Variants in CHCHD3 observed in about 807,000 individuals in gnomAD.
CHCHD3 encodes MICOS complex subunit MIC19.
In CHCHD3, 20 loss-of-function variants were observed where a neutral mutation model predicts 38.2. The observed-to-expected ratio is 0.52, with a 90% CI of 0.37 to 0.76. CHCHD3 has a LOEUF of 0.76. CHCHD3 is among the 30% of genes least tolerant of loss of function. The pLI is 0.00. For synonymous variants in CHCHD3, 82 were observed against 100.0 expected, an observed-to-expected ratio of 0.82 and a Z score of 1.07; for missense variants, 245 against 279.2, an observed-to-expected ratio of 0.88 and a Z score of 0.87.
At position 133,034,508 on chromosome 7, in the gene CHCHD3, C is replaced by CTTTTTT. The variant is rs146912120; in HGVS notation, c.170-9887_170-9882dup. The CTTTTTT allele has an allele frequency of 3.4e-4, 97 of 285,178 alleles. 7 individuals are homozygous for CTTTTTT. The highest frequency in any genetic ancestry group is 5.2e-4 in the Admixed American group (7 of 13,398). 17.7% of individuals were successfully genotyped at this position (285,178 alleles called of 1,614,324 possible). A position where few individuals can be genotyped will look rare whatever the true frequency, so the allele number is the denominator to read the frequency against. Reference sequence around the variant, plus strand: ...AGTCCTTTCAGCAATTGGATCCAGTCTTTTTTTTTTTTTTTTTTTTTTCAA... The same window carrying CTTTTTT: ...AGTCCTTTCAGCAATTGGATCCAGTCTTTTTTTTTTTTTTTTTTTTTTTTTTTTCAA... On this transcript the variant is annotated intron_variant, in intron 2 of 7. Transcript: ENST00000262570.
chr7:132,975,687 T>G (rs1811746202), intron 3 of CHCHD3, among the ~76,000 whole-genome samples: 1 of 152,076 alleles, frequency 6.6e-6, no homozygotes, highest in Admixed American at 6.5e-5. Flanking sequence ...TCCCAGCACT[T>G]TGGGAGACCA....
chr7:132,793,603 TC>T (rs1186751210), intron 7 of CHCHD3, among the ~76,000 whole-genome samples: 1 of 152,108 alleles, frequency 6.6e-6, no homozygotes, highest in Non-Finnish European at 1.5e-5. Context: ...CTAAGGAATA[TC>T]CGGAAATTTT....
At chr7:132,836,713 G>A (rs1003936014) in intron 6 of CHCHD3, among the ~76,000 whole-genome samples, 5 of 152,098 alleles carry the variant, frequency 3.3e-5, no homozygotes, top group African/African-American at 9.6e-5. Context: ...GGCCTCAAGC[G>A]ATCCTCCTGC....
intron 3 of CHCHD3, among the ~76,000 whole-genome samples, chr7:133,014,734 CATTA>C (rs1812980914): frequency 6.6e-6 from 1 of 151,826 alleles, no homozygotes; most frequent in Admixed American, 6.6e-5. Context: ...CCTCTGCAAT[CATTA>C]ATTAAAGTAA....
At chr7:132,972,603 C>T (rs1811641458) in intron 4 of CHCHD3, 1 of 985,204 alleles carries the variant, frequency 1.0e-6, no homozygotes, top group South Asian at 4.7e-5. Flanking sequence ...TTGGGAACTG[C>T]CCAATAACTA....
At chr7:132,910,226 C>T (rs1779356966) in intron 4 of CHCHD3, among the ~76,000 whole-genome samples, 1 of 152,138 alleles carries the variant, frequency 6.6e-6, no homozygotes, top group Admixed American at 6.5e-5. Context: ...TGTATTTGTA[C>T]CGGTAAAACT....
intron 5 of CHCHD3, among the ~76,000 whole-genome samples, chr7:132,842,426 A>G (rs528834909): frequency 1.6e-4 from 25 of 152,212 alleles, no homozygotes; most frequent in Non-Finnish European, 3.4e-4. Flanking sequence ...TTAGATAATT[A>G]TAATACAATT....
chr7:132,814,055 T>A (rs188951559), intron 6 of CHCHD3, among the ~76,000 whole-genome samples: 2 of 152,194 alleles, frequency 1.3e-5, no homozygotes, highest in South Asian at 4.1e-4. Context: ...CTCAACAGAA[T>A]TGATGGCAAA....
intron 4 of CHCHD3, among the ~76,000 whole-genome samples, chr7:132,924,779 T>C (rs1810337390): frequency 1.3e-5 from 2 of 152,202 alleles, no homozygotes; most frequent in South Asian, 4.1e-4. Flanking sequence ...TCAAAATGTA[T>C]GAAACACCAA....
chr7:133,009,008 C>T (rs966040696), intron 3 of CHCHD3, among the ~76,000 whole-genome samples: 1 of 150,098 alleles, frequency 6.7e-6, no homozygotes, highest in African/African-American at 2.4e-5. Flanking sequence ...AACCAGAACA[C>T]AAAGGTAGTC....
At chr7:132,787,989 C>G (rs564976346) in intron 7 of CHCHD3, among the ~76,000 whole-genome samples, 3 of 152,260 alleles carry the variant, frequency 2.0e-5, no homozygotes, top group East Asian at 3.9e-4. Flanking sequence ...ATGTGAGGCA[C>G]CAGCCCCATG....
intron 4 of CHCHD3, among the ~76,000 whole-genome samples, chr7:132,931,532 A>T (rs751581697): frequency 3.3e-5 from 5 of 152,208 alleles, no homozygotes; most frequent in Non-Finnish European, 5.9e-5. Context: ...TAAAGCGCTA[A>T]TCAAAGTATT....
At chr7:132,821,936 G>T (rs543099299) in intron 6 of CHCHD3, among the ~76,000 whole-genome samples, 1 of 151,748 alleles carries the variant, frequency 6.6e-6, no homozygotes, top group Non-Finnish European at 1.5e-5. Context: ...CTAATTTTTT[G>T]TATTTTTAGT....
At chr7:132,877,601 T>G (rs561582954) in intron 5 of CHCHD3, among the ~76,000 whole-genome samples, 11 of 152,342 alleles carry the variant, frequency 7.2e-5, no homozygotes, top group African/African-American at 2.6e-4. Flanking sequence ...TAAAAAAAAT[T>G]GAGAGTAACT....
At chr7:133,040,739 T>C (rs1164563718) in intron 2 of CHCHD3, among the ~76,000 whole-genome samples, 1 of 152,204 alleles carries the variant, frequency 6.6e-6, no homozygotes, top group African/African-American at 2.4e-5. Context: ...TTTCACTTGT[T>C]AATATGCCTG....
intron 4 of CHCHD3, among the ~76,000 whole-genome samples, chr7:132,923,294 A>G (rs1193323145): frequency 6.6e-6 from 1 of 152,124 alleles, no homozygotes; most frequent in African/African-American, 2.4e-5. Context: ...TTGGTTTTAA[A>G]TGTCTATGTG....
rs114942471 is a variant in CHCHD3 at position 132,811,375 on chromosome 7, C to T, written c.525-14798G>A. Among the ~76,000 whole-genome samples, 1,196 of 152,334 alleles carry T rather than the reference C, an allele frequency of 7.9e-3. 21 individuals are homozygous for T. Among genetic ancestry groups the T allele is most frequent in the African/African-American group, 0.027 (1,130 of 41,572 alleles). ...TGTCCCAACATGGTGGTCACACCAC[C>T]GGTGGCAAGTAAGCACCTGAAATAT... On this transcript the variant is annotated intron_variant, in intron 6 of 7. Coordinates refer to ENST00000262570, the MANE Select transcript of CHCHD3 (RefSeq NM_017812.4).
chr7:132,983,911 G>A (rs1277483220), intron 3 of CHCHD3, among the ~76,000 whole-genome samples: 1 of 152,002 alleles, frequency 6.6e-6, no homozygotes, highest in Non-Finnish European at 1.5e-5. Flanking sequence ...ACCCCTGCAT[G>A]TTTTGAGAAA....
At chr7:132,925,494 T>G (rs1810351896) in intron 4 of CHCHD3, among the ~76,000 whole-genome samples, 1 of 152,260 alleles carries the variant, frequency 6.6e-6, no homozygotes, top group Non-Finnish European at 1.5e-5. Context: ...AAAATTGCAC[T>G]TAATTAAATG....
Sources: allele counts gnomAD v4.1 joint callset (sites outside exome capture counted in the v4.1 genomes callset), GRCh38; gene constraint gnomAD v4.1.1; transcripts MANE v1.5; gene names NCBI Gene and HGNC (gene_info 2026-07-23, HGNC 2026-07-21).